The following TSPAN16 variants were observed in gnomAD, a reference collection of about 807,000 sequenced individuals.
The protein encoded by TSPAN16 is tetraspanin 16, also known as tetraspanin-16.
In TSPAN16, 23 loss-of-function variants were observed where a neutral mutation model predicts 25.2. The observed-to-expected ratio is 0.91, with a 90% CI of 0.66 to 1.29. The LOEUF (loss-of-function observed/expected upper bound fraction) is 1.29. TSPAN16 is among the 50% of genes most tolerant of loss of function. TSPAN16 has a pLI of 0.00. For synonymous variants in TSPAN16, 123 were observed against 124.4 expected (o/e 0.99, Z 0.08); for missense variants, 272 against 299.9 (o/e 0.91, Z 0.69).
chr19:11,301,398 G>A (rs774259636), intron 4 of TSPAN16, 90 bp downstream of exon 4: 21 of 916,526 alleles, frequency 2.3e-5, no homozygotes, highest in Non-Finnish European at 3.3e-5. Flanking sequence ...CCAGCACTTT[G>A]GGAGGCCGAG....
chr19:11,325,702 C>G, intron 6 of TSPAN16: 1 of 983,068 alleles, frequency 1.0e-6, no homozygotes, highest in Non-Finnish European at 1.5e-6. Context: ...GCTGTGGGAC[C>G]TTGGTTGTGT....
chr19:11,306,864 G>T, intron 5 of TSPAN16, 108 bp downstream of exon 5: 1 of 1,146,550 alleles, frequency 8.7e-7, no homozygotes, highest in Non-Finnish European at 1.2e-6. Context: ...CACCCAGGCT[G>T]GAGTGCAGTG....
chr19:11,314,180 C>T (rs1234059051), intron 6 of TSPAN16, among the ~76,000 whole-genome samples: 1 of 152,058 alleles, frequency 6.6e-6, no homozygotes, highest in African/African-American at 2.4e-5. Context: ...TGCCAGGGAC[C>T]AGAGGGTACG....
At chr19:11,304,169 C>T (rs1480486061) in intron 4 of TSPAN16, among the ~76,000 whole-genome samples, 2 of 151,596 alleles carry the variant, frequency 1.3e-5, no homozygotes, top group African/African-American at 4.9e-5. Flanking sequence ...AGGAGCAAGA[C>T]TGGCCTTTAA....
At chr19:11,302,660 C>CATATATATATTTTATATATAT (rs1320880788) in intron 4 of TSPAN16, among the ~76,000 whole-genome samples, 14 of 97,784 alleles carry the variant, frequency 1.4e-4, no homozygotes, top group Middle Eastern at 5.2e-3. Context: ...TATACACATA[C>CATATATATATTTTATATATAT]ATATATATAT....
chr19:11,296,454 A>C, intron 1 of TSPAN16, 88 bp downstream of exon 1: 1 of 1,392,512 alleles, frequency 7.2e-7, no homozygotes. Flanking sequence ...GTTGATCCAA[A>C]TTGGCATCGA....
chr19:11,319,875 C>T (rs1037691480), downstream of TSPAN16, among the ~76,000 whole-genome samples: 1 of 152,136 alleles, frequency 6.6e-6, no homozygotes, highest in East Asian at 2.0e-4. Context: ...AATGCAGTGA[C>T]GCGATCTTGG....
chr19:11,296,289 C>A lies in TSPAN16; in HGVS notation c.-9C>A, dbSNP rs376108850. On this transcript the variant is annotated 5_prime_UTR_variant, in exon 1 of 7. It adds an upstream start codon to the 5' untranslated region. Transcript: ENST00000590327. The stretch of plus-strand genomic sequence containing the variant: ...ACTTAAATGTTCAGGGTGCCCCAGT[C>A]TGTTCAGCATGGCTGAAATCCACAC... 12 of 1,613,586 alleles carry A rather than the reference C, an allele frequency of 7.4e-6. No homozygotes were observed. Among genetic ancestry groups the A allele is most frequent in the Non-Finnish European group, 1.0e-5 (12 of 1,179,702 alleles).
chr19:11,301,398 G>C (rs774259636), intron 4 of TSPAN16, 90 bp downstream of exon 4: 6 of 916,526 alleles, frequency 6.5e-6, no homozygotes, highest in Non-Finnish European at 6.9e-6. Flanking sequence ...CCAGCACTTT[G>C]GGAGGCCGAG....
intron 5 of TSPAN16, 150 bp from the exon 6 acceptor site, chr19:11,311,989 G>A (rs770431286): frequency 1.7e-6 from 1 of 592,068 alleles, no homozygotes. Context: ...AGTCAAATGA[G>A]ATGGAGGGAA....
downstream of TSPAN16, among the ~76,000 whole-genome samples, chr19:11,319,826 G>GT (rs1309993030): frequency 6.6e-6 from 1 of 151,706 alleles, no homozygotes; most frequent in Non-Finnish European, 1.5e-5. Context: ...GTTTTGTTTT[G>GT]TTTTTTGAGA....
At chr19:11,325,145 C>T in intron 6 of TSPAN16, 1 of 419,944 alleles carries the variant, frequency 2.4e-6, no homozygotes. Flanking sequence ...CAAGCTCATG[C>T]ACGTCAGTGT....
chr19:11,320,501 G>A, downstream of TSPAN16, among the ~76,000 whole-genome samples: 1 of 151,850 alleles, frequency 6.6e-6, no homozygotes, highest in Non-Finnish European at 1.5e-5. Context: ...AACATAGCAA[G>A]ATCCCATCTC....
At chr19:11,298,678 C>T (rs1165777582) in intron 2 of TSPAN16, among the ~76,000 whole-genome samples, 194 bp from the exon 3 acceptor site, 9 of 152,108 alleles carry the variant, frequency 5.9e-5, no homozygotes, top group East Asian at 1.9e-4. Context: ...GTGATCCACC[C>T]GCCTCGGTCT....
intron 5 of TSPAN16, among the ~76,000 whole-genome samples, chr19:11,310,013 G>A (rs2080672543): frequency 6.6e-6 from 1 of 152,174 alleles, no homozygotes; most frequent in South Asian, 2.1e-4. Flanking sequence ...GCTGACGCAG[G>A]AGGATTGCTT....
At chr19:11,320,673 C>CAAAAA (rs34867288), downstream of TSPAN16, among the ~76,000 whole-genome samples, 1 of 114,364 alleles carries the variant, frequency 8.7e-6, no homozygotes, top group Non-Finnish European at 2.0e-5. Context: ...ACCTTGTCTC[C>CAAAAA]AAAAAAAAAA....
At chr19:11,298,849 C>T (rs2080509821) in intron 2 of TSPAN16, 23 bp from the exon 3 acceptor site, 1 of 1,612,366 alleles carries the variant, frequency 6.2e-7, no homozygotes, top group Non-Finnish European at 8.5e-7. Context: ...CTCCCAGGCC[C>T]TCTCTCCCCG....
chr19:11,306,197 C>T (rs1365942017), intron 4 of TSPAN16, among the ~76,000 whole-genome samples: 3 of 151,730 alleles, frequency 2.0e-5, no homozygotes, highest in Non-Finnish European at 4.4e-5. Flanking sequence ...AGGAGTTCAG[C>T]TTTTTTTTCT....
intron 3 of TSPAN16, among the ~76,000 whole-genome samples, chr19:11,300,103 T>C (rs473775): frequency 0.41 from 62,513 of 151,894 alleles, 14,727 homozygotes; most frequent in African/African-American, 0.66. Flanking sequence ...GTACATCAGG[T>C]ACAGGGAAGG....
Sources: allele counts gnomAD v4.1 joint callset (sites outside exome capture counted in the v4.1 genomes callset), GRCh38; gene constraint gnomAD v4.1.1; transcripts MANE v1.5; gene names NCBI Gene and HGNC (gene_info 2026-07-23, HGNC 2026-07-21).